Variants in SLC15A5 observed in about 807,000 individuals in gnomAD.
SLC15A5 encodes Peptide/histidine transporter ENSP00000340402.
SLC15A5 carries 58 observed loss-of-function variants against 56.1 expected under a neutral mutation model. The ratio of observed to expected loss-of-function variants is 1.03; its 90% CI spans 0.84 to 1.29. The LOEUF is 1.29. Among genes scored for constraint, SLC15A5 ranks in the 50% most tolerant of loss-of-function variants. The pLI is 0.00. For missense variants in SLC15A5, 681 were observed against 672.1 expected (o/e 1.01, Z -0.15); for synonymous variants, 264 against 250.5 (o/e 1.05, Z -0.51).
intron 8 of SLC15A5, among the ~76,000 whole-genome samples, chr12:16,193,789 G>GAC (rs1180877692): frequency 1.0e-3 from 18 of 17,956 alleles, no homozygotes; most frequent in African/African-American, 5.9e-3. Context: ...GGGAGAGAGA[G>GAC]AGAGAGAGAG....
chr12:16,272,045 C>T (rs1864765151), intron 2 of SLC15A5, among the ~76,000 whole-genome samples: 1 of 152,152 alleles, frequency 6.6e-6, no homozygotes. Flanking sequence ...ATAATCTCTG[C>T]CAAATTAGTC....
chr12:16,242,765 A>T lies in SLC15A5; in HGVS notation c.975+1815T>A, dbSNP rs578056217. Among the ~76,000 whole-genome samples, 11 of 152,322 alleles carry T rather than the reference A, an allele frequency of 7.2e-5. No homozygotes were observed. The South Asian group carries it at 1.7e-3, about 23-fold the overall frequency. On this transcript the variant is annotated intron_variant, in intron 4 of 8. Transcript: ENST00000344941. Reference sequence around the variant, plus strand: ...TTAGTGGAAAGAAATGTCAGGTGTCATTGCATTATGAAGGTAAGGAACTGG... The same window carrying T: ...TTAGTGGAAAGAAATGTCAGGTGTCTTTGCATTATGAAGGTAAGGAACTGG...
chr12:16,259,900 G>GGGGT (rs1555173553), intron 2 of SLC15A5, among the ~76,000 whole-genome samples: 6 of 150,964 alleles, frequency 4.0e-5, no homozygotes, highest in Non-Finnish European at 7.4e-5. Context: ...CACCACCCGG[G>GGGGT]CGGGGGGTAA....
chr12:16,227,577 C>T (rs1160768605), intron 5 of SLC15A5, among the ~76,000 whole-genome samples: 4 of 152,076 alleles, frequency 2.6e-5, no homozygotes, highest in Non-Finnish European at 5.9e-5. Flanking sequence ...GTGGCATGAG[C>T]AAAGGGACAG....
At chr12:16,210,285 T>C (rs1006088958) in intron 7 of SLC15A5, among the ~76,000 whole-genome samples, 56 of 152,146 alleles carry the variant, frequency 3.7e-4, no homozygotes, top group African/African-American at 1.3e-3. Flanking sequence ...AAATTTGCCA[T>C]GCGTAGGAGG....
chr12:16,231,655 G>T (rs1864301033), intron 5 of SLC15A5, among the ~76,000 whole-genome samples: 1 of 152,226 alleles, frequency 6.6e-6, no homozygotes, highest in Non-Finnish European at 1.5e-5. Context: ...GAAACAAGGT[G>T]AGTATGTGTT....
At chr12:16,265,448 C>G (rs11056847) in intron 2 of SLC15A5, among the ~76,000 whole-genome samples, 1 of 152,038 alleles carries the variant, frequency 6.6e-6, no homozygotes, top group South Asian at 2.1e-4. Flanking sequence ...TCATTAAATA[C>G]TTTCTTGAAT....
chr12:16,276,933 C>G (rs1206008352), intron 1 of SLC15A5, among the ~76,000 whole-genome samples: 2 of 152,008 alleles, frequency 1.3e-5, no homozygotes, highest in Non-Finnish European at 2.9e-5. Context: ...ACATGAACTT[C>G]AAAAACCTTT....
intron 7 of SLC15A5, among the ~76,000 whole-genome samples, 177 bp from the exon 8 acceptor site, chr12:16,194,630 TAAGC>T (rs1863876684): frequency 6.6e-6 from 1 of 151,394 alleles, no homozygotes; most frequent in African/African-American, 2.5e-5. Context: ...AGTAAAATGA[TAAGC>T]AAAGCACCCC....
At chr12:16,240,453 GA>G (rs917000232) in intron 4 of SLC15A5, among the ~76,000 whole-genome samples, 10 of 149,920 alleles carry the variant, frequency 6.7e-5, no homozygotes, top group African/African-American at 1.5e-4. Flanking sequence ...ACAGGGGGAG[GA>G]AAAAAAAACC....
At chr12:16,238,168 C>G (rs2077433857) in intron 5 of SLC15A5, among the ~76,000 whole-genome samples, 1 of 152,138 alleles carries the variant, frequency 6.6e-6, no homozygotes, top group Non-Finnish European at 1.5e-5. Context: ...AGTTTAGTCA[C>G]TTTTAGTTCT....
chr12:16,203,469 A>G (rs1030942762), intron 7 of SLC15A5, among the ~76,000 whole-genome samples: 1 of 152,134 alleles, frequency 6.6e-6, no homozygotes, highest in Non-Finnish European at 1.5e-5. Context: ...CCAGTTTCTT[A>G]TGATTAAGAA....
intron 3 of SLC15A5, among the ~76,000 whole-genome samples, chr12:16,249,633 T>G (rs989383897): frequency 6.6e-6 from 1 of 152,126 alleles, no homozygotes; most frequent in African/African-American, 2.4e-5. Context: ...AGGCTGGCAG[T>G]AAACAGAGTT....
intron 7 of SLC15A5, among the ~76,000 whole-genome samples, chr12:16,216,421 A>G (rs1306018254): frequency 6.6e-6 from 1 of 152,278 alleles, no homozygotes; most frequent in East Asian, 1.9e-4. Context: ...CCTGACCAAA[A>G]TCTCTACTGG....
chr12:16,262,158 A>C (rs980343325), intron 2 of SLC15A5, among the ~76,000 whole-genome samples: 3 of 152,274 alleles, frequency 2.0e-5, no homozygotes, highest in Admixed American at 6.5e-5. Flanking sequence ...TGTTGCTTGT[A>C]GAGCCATGAG....
At chr12:16,255,011 G>T (rs2136803653) in intron 3 of SLC15A5, among the ~76,000 whole-genome samples, 1 of 152,174 alleles carries the variant, frequency 6.6e-6, no homozygotes, top group Non-Finnish European at 1.5e-5. Context: ...CCAACACAAA[G>T]AAATGATGTT....
intron 1 of SLC15A5, among the ~76,000 whole-genome samples, chr12:16,275,576 G>A (rs918393036): frequency 1.3e-5 from 2 of 151,908 alleles, no homozygotes; most frequent in African/African-American, 2.4e-5. Flanking sequence ...TTTCAGCTAG[G>A]GTAGTAGCAA....
Position 16,235,623 on chromosome 12 carries a change from G to A in SLC15A5, c.1162+4058C>T, listed in dbSNP as rs1371772437. 1.3e-5 allele frequency among the ~76,000 whole-genome samples: 2 copies of A among 152,040 alleles called. No individual in the cohort carries two copies. Among genetic ancestry groups the A allele is most frequent in the Non-Finnish European group, 2.9e-5 (2 of 67,960 alleles). On this transcript the variant is annotated intron_variant, in intron 5 of 8. Coordinates refer to ENST00000344941, the MANE Select transcript of SLC15A5 (RefSeq NM_001170798.1). The surrounding 1 kb of genome is among the most constrained non-coding windows in gnomAD (Gnocchi z 4.1). ...TGCAACCGAATGAATGACTTATTCA[G>A]GCTAGATGTTTACAATTCATGGTTT...
chr12:16,193,342 A>G (rs1398616305), intron 8 of SLC15A5, among the ~76,000 whole-genome samples: 2 of 152,068 alleles, frequency 1.3e-5, no homozygotes, highest in Admixed American at 6.6e-5. Context: ...TTTGTTTTCA[A>G]TTCTGCCTTG....
Sources: gnomAD v4.1 joint callset for allele counts (sites outside exome capture counted in the v4.1 genomes callset) on GRCh38, gnomAD v4.1.1 for gene constraint, Gnocchi (gnomAD v3.1) non-coding constraint, MANE v1.5 for transcripts, NCBI Gene and HGNC (gene_info 2026-07-23, HGNC 2026-07-21) for gene names.